SH3RF3: variants seen among roughly 807,000 people sequenced by gnomAD.
The protein encoded by SH3RF3 is SH3 domain containing ring finger 3, also known as E3 ubiquitin-protein ligase SH3RF3.
SH3RF3 carries 29 observed loss-of-function variants against 66.3 expected under a neutral mutation model. The ratio of observed to expected loss-of-function variants is 0.44; its 90% CI spans 0.33 to 0.60. SH3RF3 has a LOEUF of 0.60. Among genes scored for constraint, SH3RF3 ranks in the 20% least tolerant of loss-of-function variants. The pLI is 0.04. For synonymous variants in SH3RF3, 583 were observed against 532.0 expected (o/e 1.10, Z -1.32); for missense variants, 1,194 against 1,190.9 (o/e 1.00, Z -0.04).
chr2:109,184,773 G>T (rs1300192375), intron 1 of SH3RF3, among the ~76,000 whole-genome samples: 1 of 152,206 alleles, frequency 6.6e-6, no homozygotes, highest in East Asian at 1.9e-4. Flanking sequence ...GGTTTGCAGA[G>T]TTCAGGGAGT....
rs529208508 is a variant in SH3RF3, at chr2:109,281,972, G to A, written c.574-65702G>A. On this transcript the variant is annotated intron_variant, in intron 1 of 9. Coordinates refer to ENST00000309415, the MANE Select transcript of SH3RF3 (RefSeq NM_001099289.3). Reference sequence around the variant, plus strand: ...TTTGTAGAGCAGAAGCCCAATGGCCGAGCGCTGGGCCAGGCTTTCGGGATG... The same window carrying A: ...TTTGTAGAGCAGAAGCCCAATGGCCAAGCGCTGGGCCAGGCTTTCGGGATG... 9.7e-4 allele frequency among the ~76,000 whole-genome samples: 147 copies of A among 152,212 alleles called. 1 individual carries two copies. Among genetic ancestry groups the A allele is most frequent in the Middle Eastern group, 6.8e-3 (2 of 294 alleles).
intron 1 of SH3RF3, among the ~76,000 whole-genome samples, chr2:109,255,942 T>G (rs1680212621): frequency 6.6e-6 from 1 of 152,196 alleles, no homozygotes; most frequent in African/African-American, 2.4e-5. Context: ...GAAGAGGAAG[T>G]GTTTTCTTGC....
At chr2:109,139,333 A>G (rs930774469) in intron 1 of SH3RF3, among the ~76,000 whole-genome samples, 1 of 151,850 alleles carries the variant, frequency 6.6e-6, no homozygotes. Flanking sequence ...TACTGAGTTC[A>G]TGATGCCCAT....
At chr2:109,210,371 C>T (rs1329947863) in intron 1 of SH3RF3, among the ~76,000 whole-genome samples, 1 of 152,186 alleles carries the variant, frequency 6.6e-6, no homozygotes, top group Non-Finnish European at 1.5e-5. Context: ...AAGTCCAAAG[C>T]GGGAAAGCCT....
intron 3 of SH3RF3, among the ~76,000 whole-genome samples, chr2:109,372,845 C>CA (rs1325671804): frequency 6.6e-6 from 1 of 152,234 alleles, no homozygotes; most frequent in Non-Finnish European, 1.5e-5. Flanking sequence ...CCACGGGTGA[C>CA]ACGGCCAGCT....
At chr2:109,130,509 CGTTTCT>C (rs1676665705) in intron 1 of SH3RF3, among the ~76,000 whole-genome samples, 1 of 152,174 alleles carries the variant, frequency 6.6e-6, no homozygotes, top group Non-Finnish European at 1.5e-5. Context: ...TAGCCCTTAA[CGTTTCT>C]GACAGGGCTC....
At chr2:109,352,536 G>A (rs1027984006) in intron 2 of SH3RF3, among the ~76,000 whole-genome samples, 2 of 152,214 alleles carry the variant, frequency 1.3e-5, no homozygotes, top group Admixed American at 6.5e-5. Context: ...TTTGGGGGCC[G>A]AGACGATGAG....
At chr2:109,376,462 T>C (rs1322693281) in intron 3 of SH3RF3, among the ~76,000 whole-genome samples, 2 of 152,288 alleles carry the variant, frequency 1.3e-5, no homozygotes, top group South Asian at 2.1e-4. Context: ...TTAGAAGGCA[T>C]GTTAGCAAAT....
chr2:109,181,632 G>T (rs984079760), intron 1 of SH3RF3, among the ~76,000 whole-genome samples: 36 of 152,196 alleles, frequency 2.4e-4, no homozygotes, highest in Admixed American at 5.9e-4. Flanking sequence ...AGGACCTGCA[G>T]TAGATGCCTG....
At chr2:109,344,438 G>A (rs1370738389) in intron 1 of SH3RF3, among the ~76,000 whole-genome samples, 2 of 152,246 alleles carry the variant, frequency 1.3e-5, no homozygotes, top group Non-Finnish European at 2.9e-5. Context: ...GACTGAGGAT[G>A]CTGTCTGCCG....
chr2:109,353,800 C>T (rs1029738488), intron 2 of SH3RF3, among the ~76,000 whole-genome samples: 2 of 152,146 alleles, frequency 1.3e-5, no homozygotes, highest in Admixed American at 1.3e-4. Flanking sequence ...TGCGTGTGTC[C>T]GTGTGCAGTG....
intron 8 of SH3RF3, among the ~76,000 whole-genome samples, chr2:109,482,145 C>T (rs1442857110): frequency 1.3e-5 from 2 of 152,116 alleles, no homozygotes; most frequent in African/African-American, 2.4e-5. Context: ...AGTTGATTAC[C>T]CTGTGTCTCT....
intron 1 of SH3RF3, among the ~76,000 whole-genome samples, chr2:109,346,784 G>A (rs1682713956): frequency 6.6e-6 from 1 of 152,196 alleles, no homozygotes; most frequent in African/African-American, 2.4e-5. Context: ...GAGGATGGCA[G>A]AACAGGTGCA....
intron 3 of SH3RF3, among the ~76,000 whole-genome samples, chr2:109,385,491 A>G (rs903837883): frequency 2.0e-5 from 3 of 152,230 alleles, no homozygotes; most frequent in Non-Finnish European, 2.9e-5. Flanking sequence ...TGAAAATACA[A>G]TTTGGAATAG....
At chr2:109,343,329 C>T (rs1279103532) in intron 1 of SH3RF3, among the ~76,000 whole-genome samples, 1 of 152,156 alleles carries the variant, frequency 6.6e-6, no homozygotes, top group Non-Finnish European at 1.5e-5. Context: ...GCTTCTGCTC[C>T]TCCAAATAAA....
chr2:109,377,268 G>A (rs908812264), intron 3 of SH3RF3, among the ~76,000 whole-genome samples: 10 of 152,168 alleles, frequency 6.6e-5, no homozygotes, highest in African/African-American at 2.2e-4. Flanking sequence ...GGGCCAGCGG[G>A]GCGTTGGTCT....
chr2:109,386,879 A>G (rs1675837044), intron 3 of SH3RF3, among the ~76,000 whole-genome samples: 1 of 152,080 alleles, frequency 6.6e-6, no homozygotes, highest in Admixed American at 6.5e-5. Context: ...GTACAAAATC[A>G]AAAAAAATCT....
chr2:109,303,240 A>G (rs896219683), intron 1 of SH3RF3, among the ~76,000 whole-genome samples: 2 of 152,216 alleles, frequency 1.3e-5, no homozygotes, highest in African/African-American at 4.8e-5. Context: ...CTTGGCCCCA[A>G]CAGGATCTGA....
intron 1 of SH3RF3, among the ~76,000 whole-genome samples, chr2:109,296,147 C>T (rs965265509): frequency 1.6e-4 from 25 of 152,246 alleles, no homozygotes; most frequent in African/African-American, 5.8e-4. Flanking sequence ...CCCCCAACCC[C>T]GCCCATGTCA....
Sources: gnomAD v4.1 joint callset for allele counts (sites outside exome capture counted in the v4.1 genomes callset) on GRCh38, gnomAD v4.1.1 for gene constraint, MANE v1.5 for transcripts, NCBI Gene and HGNC (gene_info 2026-07-23, HGNC 2026-07-21) for gene names.